FOXP4: variants seen among roughly 807,000 people sequenced by gnomAD.
FOXP4 encodes forkhead box protein P4.
Under a neutral mutation model 82.6 loss-of-function variants are expected in FOXP4, and 25 were observed. That is an observed-to-expected ratio of 0.30 (90% confidence interval 0.22 to 0.42). The LOEUF (loss-of-function observed/expected upper bound fraction) is 0.42, where lower values mean the gene tolerates loss of function less well. Ranked by LOEUF, FOXP4 falls within the 10% of genes least tolerant of loss-of-function variation. The probability of loss-of-function intolerance (pLI) is 1.00; values close to 1 mark genes in which losing one functional copy is unlikely to be tolerated. For synonymous variants in FOXP4, 415 were observed against 388.2 expected, an observed-to-expected ratio of 1.07 and a Z score of -0.81; for missense variants, 785 against 900.9, an observed-to-expected ratio of 0.87 and a Z score of 1.65.
intron 5 of FOXP4, 47 bp downstream of exon 5, chr6:41,585,564 G>C (rs1469130768): frequency 1.3e-6 from 2 of 1,568,670 alleles, no homozygotes; most frequent in Non-Finnish European, 1.7e-6. Context: ...CCCCTGCCCA[G>C]AGCTGGGTGT....
intron 2 of FOXP4, among the ~76,000 whole-genome samples, chr6:41,568,157 A>C (rs997236991): frequency 1.3e-5 from 2 of 152,194 alleles, no homozygotes; most frequent in Non-Finnish European, 2.9e-5. Flanking sequence ...TGTAGGATAA[A>C]CAAGTATGGG....
At chr6:41,577,547 G>C (rs1240646613) in intron 2 of FOXP4, among the ~76,000 whole-genome samples, 1 of 152,148 alleles carries the variant, frequency 6.6e-6, no homozygotes, top group Admixed American at 6.5e-5. Context: ...TTCCTCATCT[G>C]CAAAATGGGG....
intron 8 of FOXP4, 23 bp from the exon 9 acceptor site, chr6:41,588,621 C>T: frequency 6.2e-7 from 1 of 1,613,140 alleles, no homozygotes; most frequent in Non-Finnish European, 8.5e-7. Flanking sequence ...CCAACTTTCT[C>T]TCCTCCTCTC....
At chr6:41,559,296 C>T (rs1764439377) in intron 1 of FOXP4, among the ~76,000 whole-genome samples, 1 of 152,216 alleles carries the variant, frequency 6.6e-6, no homozygotes, top group Non-Finnish European at 1.5e-5. Flanking sequence ...CAAGAGCAAG[C>T]CTGTGTCCTG....
chr6:41,569,643 G>T (rs775910439), intron 2 of FOXP4, among the ~76,000 whole-genome samples: 1 of 152,208 alleles, frequency 6.6e-6, no homozygotes, highest in South Asian at 2.1e-4. Flanking sequence ...GAGCTGGTGG[G>T]GTGGAGGCAG....
In FOXP4 at chr6:41,569,315, C is replaced by G. The variant is rs527712554; in HGVS notation, c.204+3351C>G. 3.3e-5 allele frequency among the ~76,000 whole-genome samples: 5 copies of G among 152,346 alleles called. No homozygotes were observed. In the South Asian group the frequency reaches 1.0e-3, roughly 32 times the overall value. The stretch of plus-strand genomic sequence containing the variant: ...TCCCCAGCTGCTGTTAAAGAATACC[C>G]TAGACCATAGACACACCCGTGGCCC... On this transcript the variant is annotated intron_variant, in intron 2 of 16. Transcript: ENST00000307972.
Position 41,546,854 on chromosome 6 carries a change from G to C in FOXP4, c.-30G>C, listed in dbSNP as rs1020989124. ...GACGGGCCGGAGCCCGCACGGAGCG[G>C]CCGGGCGGGACAGGTAGGTGGCGGG... On this transcript the variant is annotated 5_prime_UTR_variant, in exon 1 of 17. Transcript: ENST00000307972. 6.7e-6 allele frequency: 1 copy of C among 149,854 alleles called. No individual in the cohort carries two copies. Among genetic ancestry groups the C allele is most frequent in the Admixed American group, 6.6e-5 (1 of 15,098 alleles). The allele number at this position is 149,854 out of a possible 1,614,324, so 9.3% of individuals were successfully genotyped here. A position where few individuals can be genotyped will look rare whatever the true frequency, so the allele number is the denominator to read the frequency against.
chr6:41,595,012 A>G lies in FOXP4; in HGVS notation c.1658+21A>G, dbSNP rs747415537. 3.1e-6 allele frequency: 5 copies of G among 1,613,694 alleles called. 1 individual carries two copies. In the South Asian group the frequency reaches 4.4e-5, roughly 14 times the overall value. On this transcript the variant is annotated intron_variant, in intron 14 of 16. Transcript: ENST00000307972. ...ACAGGGTATGTGGGTCCAGAGCTGG[A>G]TGGGCTGTACCTGCCCAGGGGGCAG...
intron 11 of FOXP4, 41 bp from the exon 12 acceptor site, chr6:41,590,230 G>A (rs748019243): frequency 2.5e-6 from 4 of 1,612,302 alleles, no homozygotes; most frequent in Admixed American, 3.3e-5. Flanking sequence ...TCCCATCTGA[G>A]CCCCATATCT....
intron 14 of FOXP4, among the ~76,000 whole-genome samples, chr6:41,596,066 T>C (rs750417049): frequency 1.3e-5 from 2 of 152,100 alleles, no homozygotes; most frequent in South Asian, 2.1e-4. Flanking sequence ...CCCAGCTAAT[T>C]ATTTTACTTT....
chr6:41,562,691 T>G (rs1467187876), intron 1 of FOXP4, among the ~76,000 whole-genome samples: 1 of 152,180 alleles, frequency 6.6e-6, no homozygotes, highest in Non-Finnish European at 1.5e-5. Context: ...CCCCTGAGGC[T>G]CTGGTCTTTG....
intron 3 of FOXP4, among the ~76,000 whole-genome samples, chr6:41,581,847 C>T (rs1380154101): frequency 6.6e-6 from 1 of 152,264 alleles, no homozygotes; most frequent in African/African-American, 2.4e-5. Flanking sequence ...CTTCCATTCC[C>T]CTGCTTCCAA....
At position 41,578,096 on chromosome 6, in the gene FOXP4, A is replaced by ACCCC. The variant is rs749636290; in HGVS notation, c.300+16_300+19dup. ...CTGCTGTGCAGGTGAGGAAGAGAGC[A>ACCCC]CCCCGCTGGCTCTGGGTTGGGCTGG... On this transcript the variant is annotated intron_variant, in intron 3 of 16. Transcript: ENST00000307972. 1 of 1,608,280 alleles carries ACCCC rather than the reference A, an allele frequency of 6.2e-7. No individual in the cohort carries two copies. Among genetic ancestry groups the ACCCC allele is most frequent in the African/African-American group, 1.3e-5 (1 of 74,790 alleles).
intron 9 of FOXP4, among the ~76,000 whole-genome samples, chr6:41,589,485 T>C (rs1412151328): frequency 6.6e-6 from 1 of 152,080 alleles, no homozygotes; most frequent in Non-Finnish European, 1.5e-5. Context: ...CCTCCCAACA[T>C]GTAGAGGCAG....
At chr6:41,573,439 T>C (rs1562025026) in intron 2 of FOXP4, among the ~76,000 whole-genome samples, 1 of 152,214 alleles carries the variant, frequency 6.6e-6, no homozygotes, top group Non-Finnish European at 1.5e-5. Flanking sequence ...AAGCCATTTG[T>C]TCCTAATTGC....
At position 41,575,480 on chromosome 6, in the gene FOXP4, A is replaced by G. The variant is rs1246351020; in HGVS notation, c.205-2506A>G. Among the ~76,000 whole-genome samples the G allele has an allele frequency of 3.3e-5, 5 of 151,846 alleles. No individual in the cohort carries two copies. The East Asian group carries it at 9.7e-4, about 29-fold the overall frequency. On this transcript the variant is annotated intron_variant, in intron 2 of 16. Transcript: ENST00000307972. ...AGGGAGGGGAGCCTTGGCCAGACCTAAGGTCTTACCTGGCTCTCATCTGGC... is the reference window on the plus strand; with the variant it reads ...AGGGAGGGGAGCCTTGGCCAGACCTGAGGTCTTACCTGGCTCTCATCTGGC...
At chr6:41,551,374 G>T (rs1448431346) in intron 1 of FOXP4, among the ~76,000 whole-genome samples, 1 of 152,142 alleles carries the variant, frequency 6.6e-6, no homozygotes, top group Non-Finnish European at 1.5e-5. Context: ...TGAGATCAGG[G>T]TCTTTTCCCG....
At position 41,598,952 on chromosome 6, in the gene FOXP4, G is replaced by C. The variant is rs750553993; in HGVS notation, c.*16G>C. On this transcript the variant is annotated 3_prime_UTR_variant, in exon 17 of 17. Transcript: ENST00000307972. Reference sequence around the variant, plus strand: ...ACTGTCCTAAGGGCCTGTAGTGACCGGCAGGGCTGGGGTGAGACCCCTCCC... The same window carrying C: ...ACTGTCCTAAGGGCCTGTAGTGACCCGCAGGGCTGGGGTGAGACCCCTCCC... The C allele has an allele frequency of 3.2e-6, 5 of 1,568,190 alleles. 1 individual carries two copies. The South Asian group carries it at 6.0e-5, about 19-fold the overall frequency.
chr6:41,577,493 C>G (rs1034595389), intron 2 of FOXP4, among the ~76,000 whole-genome samples: 3 of 152,180 alleles, frequency 2.0e-5, no homozygotes, highest in South Asian at 4.1e-4. Flanking sequence ...TGCCGCCTAG[C>G]TGTATGATCC....
Sources: gnomAD v4.1 joint callset for allele counts (sites outside exome capture counted in the v4.1 genomes callset) on GRCh38, gnomAD v4.1.1 for gene constraint, MANE v1.5 for transcripts, NCBI Gene and HGNC (gene_info 2026-07-23, HGNC 2026-07-21) for gene names.